The following NEK7 variants were observed in gnomAD, a reference collection of about 807,000 sequenced individuals.
The protein encoded by NEK7 is serine/threonine-protein kinase Nek7.
NEK7 carries 18 observed loss-of-function variants against 44.6 expected under a neutral mutation model. That is an observed-to-expected ratio of 0.40 (90% CI 0.28 to 0.60). The LOEUF is 0.60. Ranked by LOEUF, NEK7 falls within the 20% of genes least tolerant of loss-of-function variation. The pLI, the probability that NEK7 is intolerant of heterozygous loss-of-function variation, is 0.38. For missense variants in NEK7, 256 were observed against 366.5 expected (o/e 0.70, Z 2.46); for synonymous variants, 130 against 121.1 (o/e 1.07, Z -0.48).
chr1:198,267,276 C>T (rs184192853), intron 5 of NEK7, among the ~76,000 whole-genome samples: 2 of 144,678 alleles, frequency 1.4e-5, no homozygotes, highest in Non-Finnish European at 3.2e-5. Context: ...ACCTGTTCCT[C>T]ATTCATTCAT....
chr1:198,166,271 C>G (rs1355269405), intron 1 of NEK7, among the ~76,000 whole-genome samples: 4 of 152,190 alleles, frequency 2.6e-5, no homozygotes, highest in Non-Finnish European at 5.9e-5. Context: ...TAAACACATT[C>G]AAAATAAACA....
chr1:198,216,506 A>G (rs79873544), intron 1 of NEK7, among the ~76,000 whole-genome samples: 7,490 of 152,002 alleles, frequency 0.049, 278 homozygotes, highest in East Asian at 0.18. Flanking sequence ...TGGCAACCCA[A>G]TGTCACACCT....
chr1:198,308,861 G>C (rs1398468015), intron 9 of NEK7, among the ~76,000 whole-genome samples: 3 of 152,028 alleles, frequency 2.0e-5, no homozygotes, highest in Non-Finnish European at 1.5e-5. Context: ...TATATATTAA[G>C]ATTAAGTTCT....
chr1:198,248,744 A>G (rs1558076544), intron 2 of NEK7, among the ~76,000 whole-genome samples: 2 of 152,274 alleles, frequency 1.3e-5, no homozygotes, highest in Middle Eastern at 3.4e-3. Context: ...ATTTCAACTC[A>G]AAGATCTTTT....
intron 1 of NEK7, among the ~76,000 whole-genome samples, chr1:198,181,507 T>C (rs1460285713): frequency 6.6e-6 from 1 of 152,250 alleles, no homozygotes; most frequent in East Asian, 1.9e-4. Context: ...ACACCTTCAC[T>C]TAGTATTTGA....
intron 1 of NEK7, among the ~76,000 whole-genome samples, chr1:198,230,931 T>C (rs534481392): frequency 6.6e-6 from 1 of 152,054 alleles, no homozygotes; most frequent in East Asian, 1.9e-4. Context: ...AGATAGTCTG[T>C]GTTCATGGGT....
intron 1 of NEK7, among the ~76,000 whole-genome samples, chr1:198,200,852 T>C (rs1212841750): frequency 6.6e-6 from 1 of 152,116 alleles, no homozygotes; most frequent in African/African-American, 2.4e-5. Flanking sequence ...TGCCAGGCCC[T>C]TTGGTGCTTT....
chr1:198,183,428 G>GT (rs1488713056), intron 1 of NEK7, among the ~76,000 whole-genome samples: 9 of 152,066 alleles, frequency 5.9e-5, no homozygotes, highest in Admixed American at 2.0e-4. Context: ...CATCAGAAAT[G>GT]TTTTTTTAAA....
At chr1:198,245,318 G>A (rs1324728223) in intron 2 of NEK7, 1 of 169,260 alleles carries the variant, frequency 5.9e-6, no homozygotes, top group African/African-American at 2.4e-5. Flanking sequence ...GTATAAACGA[G>A]TAATTAAAAG....
intron 2 of NEK7, among the ~76,000 whole-genome samples, chr1:198,249,085 C>G (rs911908119): frequency 7.1e-6 from 1 of 141,028 alleles, no homozygotes; most frequent in Non-Finnish European, 1.5e-5. Context: ...GTTCCCCTTC[C>G]TGTGTCCATG....
intron 9 of NEK7, among the ~76,000 whole-genome samples, chr1:198,317,434 T>G (rs1389987428): frequency 6.6e-6 from 1 of 152,242 alleles, no homozygotes; most frequent in Non-Finnish European, 1.5e-5. Flanking sequence ...CCAATTCTTG[T>G]CTTTTTACTT....
At chr1:198,311,801 G>T (rs1380063136) in intron 9 of NEK7, among the ~76,000 whole-genome samples, 1 of 152,154 alleles carries the variant, frequency 6.6e-6, no homozygotes, top group East Asian at 1.9e-4. Context: ...CTTGATCATG[G>T]TGGATAAGCT....
chr1:198,319,331 C>A, intron 9 of NEK7, 81 bp from the exon 10 acceptor site: 2 of 789,274 alleles, frequency 2.5e-6, no homozygotes, highest in Non-Finnish European at 4.2e-6. Context: ...AAATCTATAG[C>A]TATTCATAAT....
At chr1:198,177,036 C>A (rs1387577896) in intron 1 of NEK7, among the ~76,000 whole-genome samples, 1 of 151,964 alleles carries the variant, frequency 6.6e-6, no homozygotes, top group African/African-American at 2.4e-5. Context: ...TTTAAATAAC[C>A]AAGGGACTTA....
chr1:198,257,495 C>G (rs989565089), intron 3 of NEK7, among the ~76,000 whole-genome samples: 1 of 152,074 alleles, frequency 6.6e-6, no homozygotes, highest in Non-Finnish European at 1.5e-5. Flanking sequence ...TTAATATATT[C>G]GTAACCTCTG....
intron 1 of NEK7, among the ~76,000 whole-genome samples, chr1:198,221,610 A>G (rs575233280): frequency 3.3e-5 from 5 of 151,906 alleles, no homozygotes; most frequent in South Asian, 2.1e-4. Context: ...TGAAATGTAT[A>G]TTGGTTTATT....
chr1:198,240,542 G>T (rs1666658188), intron 2 of NEK7, among the ~76,000 whole-genome samples: 1 of 151,282 alleles, frequency 6.6e-6, no homozygotes, highest in Non-Finnish European at 1.5e-5. Context: ...CCACAATGAT[G>T]AGATCATTGT....
At chr1:198,210,321 C>T (rs183745633) in intron 1 of NEK7, among the ~76,000 whole-genome samples, 78 of 152,240 alleles carry the variant, frequency 5.1e-4, no homozygotes, top group Non-Finnish European at 9.9e-4. Context: ...CCTGGCCCCC[C>T]AAGTTTTCCT....
At chr1:198,157,933 C>T (rs747411260) in intron 1 of NEK7, among the ~76,000 whole-genome samples, 29 of 152,076 alleles carry the variant, frequency 1.9e-4, no homozygotes, top group Non-Finnish European at 4.1e-4. Context: ...AAACTGAGGC[C>T]AAAGTCAGAG....
Sources: gnomAD v4.1 joint callset for allele counts (sites outside exome capture counted in the v4.1 genomes callset) on GRCh38, gnomAD v4.1.1 for gene constraint, MANE v1.5 for transcripts, NCBI Gene and HGNC (gene_info 2026-07-23, HGNC 2026-07-21) for gene names.